SH2D4B: variants seen among roughly 807,000 people sequenced by gnomAD.
The protein encoded by SH2D4B is SH2 domain containing 4B.
A neutral mutation model predicts 61.5 loss-of-function variants in SH2D4B; 45 were observed. The ratio of observed to expected loss-of-function variants is 0.73; its 90% CI spans 0.58 to 0.94. The LOEUF (loss-of-function observed/expected upper bound fraction) is 0.94, where lower values mean the gene tolerates loss of function less well. SH2D4B is among the 40% of genes least tolerant of loss of function. SH2D4B has a pLI of 0.00. For synonymous variants in SH2D4B, 224 were observed against 220.4 expected, an observed-to-expected ratio of 1.02 and a Z score of -0.14; for missense variants, 572 against 574.2, an observed-to-expected ratio of 1.00 and a Z score of 0.04.
intron 1 of SH2D4B, among the ~76,000 whole-genome samples, chr10:80,544,533 C>G (rs1841641090): frequency 6.6e-6 from 1 of 152,258 alleles, no homozygotes; most frequent in Non-Finnish European, 1.5e-5. Flanking sequence ...TCCCTGTTTC[C>G]TGGGCCCGTC....
chr10:80,551,617 A>C (rs529288961), intron 1 of SH2D4B, among the ~76,000 whole-genome samples: 2 of 152,190 alleles, frequency 1.3e-5, no homozygotes, highest in African/African-American at 4.8e-5. Flanking sequence ...TCACTAATAA[A>C]CCACTTCCAC....
chr10:80,587,458 T>C (rs1408757262), intron 3 of SH2D4B, among the ~76,000 whole-genome samples: 1 of 152,154 alleles, frequency 6.6e-6, no homozygotes, highest in Non-Finnish European at 1.5e-5. Flanking sequence ...TTTGTATTTT[T>C]AGTAGAGACG....
At chr10:80,581,297 G>C (rs2132125079) in intron 3 of SH2D4B, among the ~76,000 whole-genome samples, 1 of 152,146 alleles carries the variant, frequency 6.6e-6, no homozygotes, top group South Asian at 2.1e-4. Flanking sequence ...GGTGGTTAAG[G>C]GCCACTTATC....
chr10:80,565,329 TC>T (rs368882448), intron 1 of SH2D4B, among the ~76,000 whole-genome samples: 9 of 146,314 alleles, frequency 6.2e-5, no homozygotes, highest in African/African-American at 2.2e-4. Flanking sequence ...CCACTACCCT[TC>T]CCAGCCTCTG....
At chr10:80,598,545 G>T (rs1182520860) in intron 4 of SH2D4B, among the ~76,000 whole-genome samples, 1 of 152,156 alleles carries the variant, frequency 6.6e-6, no homozygotes, top group East Asian at 1.9e-4. Flanking sequence ...AAACCATTCT[G>T]CACTCAATTA....
At chr10:80,599,875 T>G (rs1436637450) in intron 4 of SH2D4B, among the ~76,000 whole-genome samples, 2 of 152,288 alleles carry the variant, frequency 1.3e-5, no homozygotes, top group East Asian at 3.9e-4. Context: ...AGGCTTTTCC[T>G]GCTCACACTT....
chr10:80,639,820 T>A (rs1840257528), intron 7 of SH2D4B, among the ~76,000 whole-genome samples: 1 of 152,226 alleles, frequency 6.6e-6, no homozygotes, highest in African/African-American at 2.4e-5. Flanking sequence ...GATCCTGTCA[T>A]TATGATGTTC....
intron 4 of SH2D4B, among the ~76,000 whole-genome samples, chr10:80,594,731 A>C (rs1842367847): frequency 6.6e-6 from 1 of 152,218 alleles, no homozygotes; most frequent in South Asian, 2.1e-4. Context: ...AATTTCTAAC[A>C]ATCTGAGAAA....
chr10:80,610,315 A>G (rs1480977022), intron 6 of SH2D4B, among the ~76,000 whole-genome samples: 1 of 151,888 alleles, frequency 6.6e-6, no homozygotes, highest in Non-Finnish European at 1.5e-5. Context: ...TATCAGATTT[A>G]CTTATTGTCT....
chr10:80,541,280 T>C (rs774731632), intron 1 of SH2D4B, among the ~76,000 whole-genome samples: 1 of 152,220 alleles, frequency 6.6e-6, no homozygotes, highest in Non-Finnish European at 1.5e-5. Flanking sequence ...TCAGCTGTTT[T>C]TACTCTCTTC....
chr10:80,613,173 A>G (rs1842620416), intron 6 of SH2D4B, among the ~76,000 whole-genome samples: 1 of 152,202 alleles, frequency 6.6e-6, no homozygotes, highest in African/African-American at 2.4e-5. Flanking sequence ...GGTTCTAGGT[A>G]GAGTCTCCTG....
Position 80,538,611 on chromosome 10 carries a change from C to T in SH2D4B, c.184+96C>T. 1 of 1,064,030 alleles carries T rather than the reference C, an allele frequency of 9.4e-7. No homozygotes were observed. Among genetic ancestry groups the T allele is most frequent in the Non-Finnish European group, 1.2e-6 (1 of 806,194 alleles). 65.9% of individuals were successfully genotyped at this position (1,064,030 alleles called of 1,614,324 possible). On this transcript the variant is annotated intron_variant, in intron 1 of 7. Transcript: ENST00000646907. The surrounding 1 kb of genome is among the most constrained non-coding windows in gnomAD (Gnocchi z 4.8). The stretch of plus-strand genomic sequence containing the variant: ...GCTGTGCCCTTCTTCAAGATGGGCA[C>T]TGGGGTGATGAGGGCTGGGGGCTTG...
chr10:80,580,689 A>C (rs1049912082), intron 3 of SH2D4B, among the ~76,000 whole-genome samples: 3 of 152,148 alleles, frequency 2.0e-5, no homozygotes, highest in Admixed American at 2.0e-4. Context: ...AGGATTTTAA[A>C]AAATTTTTCA....
chr10:80,622,762 C>T (rs977788806), intron 6 of SH2D4B, among the ~76,000 whole-genome samples: 5 of 152,070 alleles, frequency 3.3e-5, no homozygotes, highest in African/African-American at 1.2e-4. Context: ...CATTAGCCAC[C>T]CTTGTTGTTT....
At chr10:80,542,399 T>TG (rs1841593608) in intron 1 of SH2D4B, among the ~76,000 whole-genome samples, 1 of 76,832 alleles carries the variant, frequency 1.3e-5, no homozygotes, top group African/African-American at 9.5e-5. Context: ...CAGTTCTATC[T>TG]TTTTTTTTTT....
chr10:80,564,393 C>A (rs912986355), intron 1 of SH2D4B, among the ~76,000 whole-genome samples: 1 of 152,184 alleles, frequency 6.6e-6, no homozygotes, highest in African/African-American at 2.4e-5. Context: ...ACCCATTAGC[C>A]GCACTTGCAA....
chr10:80,543,238 G>C (rs1024422643), intron 1 of SH2D4B, among the ~76,000 whole-genome samples: 1 of 152,134 alleles, frequency 6.6e-6, no homozygotes, highest in Non-Finnish European at 1.5e-5. Flanking sequence ...GGCCGGAGCC[G>C]GCTCCCTCAG....
At chr10:80,562,980 C>T (rs1841922029) in intron 1 of SH2D4B, among the ~76,000 whole-genome samples, 1 of 140,570 alleles carries the variant, frequency 7.1e-6, no homozygotes, top group Non-Finnish European at 1.5e-5. Context: ...CGGCTCACTG[C>T]AAGCTCCGCC....
Position 80,557,499 on chromosome 10 carries a change from T to C in SH2D4B, c.185-12655T>C, listed in dbSNP as rs992198868. Among the ~76,000 whole-genome samples the C allele has an allele frequency of 2.0e-5, 3 of 152,160 alleles. No individual in the cohort carries two copies. In the East Asian group the frequency reaches 5.8e-4, roughly 29 times the overall value. On this transcript the variant is annotated intron_variant, in intron 1 of 7. Coordinates refer to ENST00000646907, the MANE Select transcript of SH2D4B (RefSeq NM_001388272.1). ...GGAATTTACCAGTAATGTCTTTCAT[T>C]GTGGGCAGATTTTAACATATAAATT...
Sources: allele counts gnomAD v4.1 joint callset (sites outside exome capture counted in the v4.1 genomes callset), GRCh38; gene constraint gnomAD v4.1.1; non-coding constraint Gnocchi (gnomAD v3.1); transcripts MANE v1.5; gene names NCBI Gene and HGNC (gene_info 2026-07-23, HGNC 2026-07-21).